Variants in F8 observed in about 807,000 individuals in gnomAD.
F8 encodes antihemophilic factor.
In F8, 12 loss-of-function variants were observed where a neutral mutation model predicts 140.6. The ratio of observed to expected loss-of-function variants is 0.09; its 90% CI spans 0.05 to 0.14. F8 has a LOEUF of 0.14. F8 is among the 10% of genes least tolerant of loss of function. F8 has a pLI of 1.00. For missense variants in F8, 1,354 were observed against 1,720.7 expected (o/e 0.79, Z 3.77); for synonymous variants, 585 against 614.6 (o/e 0.95, Z 0.71).
intron 13 of F8, among the ~76,000 whole-genome samples, chrX:154,940,658 C>T (rs1032237183): frequency 1.8e-5 from 2 of 111,395 alleles, no homozygotes; most frequent in Non-Finnish European, 3.8e-5. Flanking sequence ...TCAGGAAATA[C>T]AGAGAATGCC....
intron 14 of F8, among the ~76,000 whole-genome samples, chrX:154,920,538 AC>A (rs1241698530): frequency 1.8e-5 from 2 of 108,827 alleles, no homozygotes; most frequent in Non-Finnish European, 3.8e-5. Flanking sequence ...TGTAGCCTTG[AC>A]CCCCCCAGGC....
intron 23 of F8, 44 bp downstream of exon 23, chrX:154,863,039 C>T (rs781850604): frequency 5.9e-6 from 7 of 1,184,922 alleles, no homozygotes; most frequent in Non-Finnish European, 8.0e-6. Context: ...AGTCACCCTA[C>T]CCATGGTTGA....
rs913733074 is a variant in F8 at position 154,929,985 on chromosome X, C to A, written c.3805G>T (p.Asp1269Tyr). The change falls in exon 14 of 26, where the codon GAT becomes TAT. Residue 1269 changes from aspartate to tyrosine, a missense_variant. Transcript: ENST00000360256. ...YDGAYAPVLQDFRSLNDSTNR... is the reference protein window; with the variant it reads ...YDGAYAPVLQYFRSLNDSTNR... ...GTTGAATCATTTAATGACCTAAAAT[C>A]TTGAAGTACTGGAGCATATGCCCCG... 2.5e-6 allele frequency: 3 copies of A among 1,210,768 alleles called. No homozygotes were observed. The highest frequency in any genetic ancestry group is 3.4e-6 in the Non-Finnish European group (3 of 894,912).
chrX:154,839,464 G>T (rs1429649961), intron 25 of F8, among the ~76,000 whole-genome samples: 2 of 107,487 alleles, frequency 1.9e-5, no homozygotes, highest in Admixed American at 9.9e-5. Flanking sequence ...CCGGGTTCAC[G>T]CCATTCTCCT....
intron 25 of F8, among the ~76,000 whole-genome samples, chrX:154,840,602 T>C (rs1167028742): frequency 8.9e-6 from 1 of 112,502 alleles, no homozygotes; most frequent in Non-Finnish European, 1.9e-5. Context: ...GCTAAGAATA[T>C]GATTTTTTAA....
At chrX:154,922,038 C>G (rs926082538) in intron 14 of F8, among the ~76,000 whole-genome samples, 10 of 111,693 alleles carry the variant, frequency 9.0e-5, no homozygotes, top group Non-Finnish European at 1.7e-4. Flanking sequence ...TAAAAAGAAA[C>G]AAAAACAAAA....
chrX:154,977,644 G>A (rs1180766658), intron 6 of F8, among the ~76,000 whole-genome samples: 8 of 106,468 alleles, frequency 7.5e-5, no homozygotes, highest in Non-Finnish European at 1.5e-4. Flanking sequence ...GTCTGATAGC[G>A]GCTCCTTTAC....
chrX:154,924,154 T>C (rs1249316868), intron 14 of F8, among the ~76,000 whole-genome samples: 1 of 111,671 alleles, frequency 9.0e-6, no homozygotes, highest in Non-Finnish European at 1.9e-5. Flanking sequence ...CTCAGGTATA[T>C]CTTTATCAGC....
chrX:155,015,206 G>A (rs1557286922), intron 1 of F8, among the ~76,000 whole-genome samples: 1 of 111,815 alleles, frequency 8.9e-6, no homozygotes, highest in Non-Finnish European at 1.9e-5. Context: ...AACTCAAAAT[G>A]TATTATAAAC....
intron 22 of F8, among the ~76,000 whole-genome samples, chrX:154,871,490 C>T (rs1177418310): frequency 8.9e-6 from 1 of 111,917 alleles, no homozygotes; most frequent in African/African-American, 3.3e-5. Flanking sequence ...AACTGGCTAG[C>T]CATATGCAGA....
intron 6 of F8, among the ~76,000 whole-genome samples, chrX:154,981,822 C>G (rs1557283607): frequency 9.0e-6 from 1 of 110,881 alleles, no homozygotes; most frequent in Non-Finnish European, 1.9e-5. Flanking sequence ...TTTGAAAAAA[C>G]TGTCAGATGG....
At chrX:154,896,785 G>A (rs1419473198) in intron 21 of F8, among the ~76,000 whole-genome samples, 1 of 111,838 alleles carries the variant, frequency 8.9e-6, no homozygotes, top group African/African-American at 3.3e-5. Context: ...CTTCTTCTAT[G>A]CTTCTACTTC....
At chrX:154,972,703 C>CTTTTTTTTTTTTTT (rs1557282690) in intron 6 of F8, among the ~76,000 whole-genome samples, 1 of 64,690 alleles carries the variant, frequency 1.5e-5, no homozygotes, top group African/African-American at 6.9e-5. Flanking sequence ...TTCTTTCTGT[C>CTTTTTTTTTTTTTT]TTTCTTTTTT....
chrX:154,841,691 T>G (rs954276007), intron 25 of F8, among the ~76,000 whole-genome samples: 1 of 111,359 alleles, frequency 9.0e-6, no homozygotes, highest in Non-Finnish European at 1.9e-5. Context: ...TTTCTCATCT[T>G]ATTGCACTGC....
chrX:154,962,543 G>A (rs1557281662), intron 9 of F8, among the ~76,000 whole-genome samples: 1 of 111,611 alleles, frequency 9.0e-6, no homozygotes. Flanking sequence ...TATTAAGCAA[G>A]GGTAGCAGGT....
intron 14 of F8, among the ~76,000 whole-genome samples, chrX:154,925,904 C>T (rs1201378154): frequency 4.5e-5 from 5 of 111,634 alleles, no homozygotes; most frequent in South Asian, 3.7e-4. Flanking sequence ...TGTGAGGACA[C>T]GAGATTTGGG....
chrX:154,862,779 T>G (rs1557272948), intron 23 of F8, among the ~76,000 whole-genome samples: 1 of 112,404 alleles, frequency 8.9e-6, no homozygotes, highest in East Asian at 2.8e-4. Flanking sequence ...CTTTATCCAA[T>G]CTGTTGTTGA....
chrX:154,966,559 C>T lies in F8; in HGVS notation c.1138G>A (p.Asp380Asn), dbSNP rs782450411. Residue 380 changes from aspartate (D) to asparagine (N), a missense_variant, in exon 8 of 26, where the codon GAT becomes AAT. Asp to Asn is a conservative substitution (Grantham distance 23). Around this residue, in one of 4 missense-constraint regions of F8, gnomAD observed 252 missense variants for 338.5 expected, o/e 0.74. Coordinates refer to ENST00000360256, the MANE Select transcript of F8 (RefSeq NM_000132.4). Reference protein sequence around the residue: ...TDSEMDVVRFDDDNSPSFIQI... With the variant: ...TDSEMDVVRFNDDNSPSFIQI... ...ATAAAGGAAGGAGAGTTGTCATCAT[C>T]AAACCTGACCACATCCATTTCAGAA... is the stretch of plus-strand genomic sequence containing the variant. 3.2e-5 allele frequency: 39 copies of T among 1,211,625 alleles called. No individual in the cohort carries two copies. The highest frequency in any genetic ancestry group is 4.2e-5 in the Non-Finnish European group (38 of 895,429).
chrX:154,941,080 A>G (rs1456380159), intron 13 of F8, among the ~76,000 whole-genome samples: 1 of 112,296 alleles, frequency 8.9e-6, no homozygotes, highest in Non-Finnish European at 1.9e-5. Flanking sequence ...TGTAAAGACC[A>G]TCAATGCTAG....
Sources: allele counts gnomAD v4.1 joint callset (sites outside exome capture counted in the v4.1 genomes callset), GRCh38; gene constraint gnomAD v4.1.1; regional missense constraint gnomAD v4.1.1; transcripts MANE v1.5; gene names NCBI Gene and HGNC (gene_info 2026-07-23, HGNC 2026-07-21).